The following S100Z variants were observed in gnomAD, a reference collection of about 807,000 sequenced individuals.
S100Z encodes the protein protein S100-Z.
Under a neutral mutation model 8.5 loss-of-function variants are expected in S100Z, and 11 were observed. The observed-to-expected ratio is 1.30, with a 90% confidence interval of 0.82 to 2.15. The LOEUF is 2.15. S100Z is among the 30% of genes most tolerant of loss of function. The pLI is 0.00. For synonymous variants in S100Z, 34 were observed against 43.8 expected (o/e 0.78, Z 0.89); for missense variants, 126 against 117.9 (o/e 1.07, Z -0.32).
At chr5:76,910,196 G>A (rs1744599095) in intron 4 of S100Z, among the ~76,000 whole-genome samples, 1 of 152,196 alleles carries the variant, frequency 6.6e-6, no homozygotes, top group Non-Finnish European at 1.5e-5. Flanking sequence ...GCAGCTATGG[G>A]AGGCCTTAAG....
intron 1 of S100Z, among the ~76,000 whole-genome samples, chr5:76,868,766 G>A (rs924914875): frequency 2.0e-5 from 3 of 152,132 alleles, no homozygotes; most frequent in Middle Eastern, 3.4e-3. Context: ...TGGGACTACA[G>A]GCGCATGCCA....
intron 1 of S100Z, among the ~76,000 whole-genome samples, chr5:76,863,763 C>A (rs1025157495): frequency 6.6e-6 from 1 of 152,130 alleles, no homozygotes; most frequent in African/African-American, 2.4e-5. Flanking sequence ...TGGTCTCGAT[C>A]TCCTGACCTT....
intron 4 of S100Z, among the ~76,000 whole-genome samples, chr5:76,911,168 T>C (rs1744643328): frequency 6.6e-6 from 1 of 152,172 alleles, no homozygotes; most frequent in Non-Finnish European, 1.5e-5. Flanking sequence ...TCAAAGGCAA[T>C]ATCCCTTAAG....
At chr5:76,926,479 G>T (rs935921976), downstream of S100Z, among the ~76,000 whole-genome samples, 1 of 152,132 alleles carries the variant, frequency 6.6e-6, no homozygotes, top group African/African-American at 2.4e-5. Context: ...GAAGTGGGTG[G>T]GGCTAAAACA....
At chr5:76,866,927 C>G (rs1742767458) in intron 1 of S100Z, among the ~76,000 whole-genome samples, 1 of 152,148 alleles carries the variant, frequency 6.6e-6, no homozygotes, top group South Asian at 2.1e-4. Context: ...GTTTCACTTA[C>G]CATTTTCCTG....
intron 2 of S100Z, among the ~76,000 whole-genome samples, chr5:76,873,103 C>G (rs970055210): frequency 6.6e-6 from 1 of 152,142 alleles, no homozygotes; most frequent in Non-Finnish European, 1.5e-5. Context: ...AATTGACCAG[C>G]ACAGGATCAC....
intron 4 of S100Z, among the ~76,000 whole-genome samples, chr5:76,896,686 C>A (rs1317720677): frequency 2.0e-5 from 3 of 152,186 alleles, no homozygotes; most frequent in African/African-American, 7.2e-5. Context: ...TTCTCCACAT[C>A]CTTGCCAGCA....
In S100Z at chr5:76,918,714, G is replaced by A. The variant is rs373150854; in HGVS notation, c.*3-2003G>A. 6.6e-5 allele frequency among the ~76,000 whole-genome samples: 10 copies of A among 152,246 alleles called. No individual in the cohort carries two copies. The East Asian group carries it at 9.7e-4, about 15-fold the overall frequency. On this transcript the variant is annotated intron_variant, in intron 4 of 4. Coordinates refer to ENST00000317593, the MANE Select transcript of S100Z (RefSeq NM_130772.4). ...ACATCATTATTACCCAGTGTCTGTAGTTTACACTAGGTTTCATTCTTAGTG... is the reference window on the plus strand; with the variant it reads ...ACATCATTATTACCCAGTGTCTGTAATTTACACTAGGTTTCATTCTTAGTG...
At chr5:76,929,971 C>T in the S100Z span, among the ~76,000 whole-genome samples, 1 of 152,220 alleles carries the variant, frequency 6.6e-6, no homozygotes, top group Non-Finnish European at 1.5e-5. Flanking sequence ...TGTAGACCTT[C>T]ATGTGAAGAG....
At chr5:76,871,809 G>C (rs948927210) in intron 2 of S100Z, among the ~76,000 whole-genome samples, 1 of 152,210 alleles carries the variant, frequency 6.6e-6, no homozygotes, top group Non-Finnish European at 1.5e-5. Flanking sequence ...TTACAGGCGT[G>C]AGCCACCGGG....
At chr5:76,873,601 A>G (rs1743083574) in intron 2 of S100Z, among the ~76,000 whole-genome samples, 1 of 152,104 alleles carries the variant, frequency 6.6e-6, no homozygotes, top group African/African-American at 2.4e-5. Flanking sequence ...CCCAGCCTGA[A>G]TATGTTTGAA....
At chr5:76,898,549 A>C in intron 4 of S100Z, among the ~76,000 whole-genome samples, 1 of 152,218 alleles carries the variant, frequency 6.6e-6, no homozygotes, top group African/African-American at 2.4e-5. Flanking sequence ...TTTCAGCATC[A>C]ACTGAAATGA....
intron 3 of S100Z, among the ~76,000 whole-genome samples, chr5:76,876,960 T>C (rs953989720): frequency 4.6e-5 from 7 of 152,156 alleles, no homozygotes; most frequent in African/African-American, 1.7e-4. Flanking sequence ...CTCTTTGCTT[T>C]CCACCCATAA....
the S100Z span, among the ~76,000 whole-genome samples, chr5:76,931,231 C>T: frequency 1.3e-5 from 2 of 152,036 alleles, no homozygotes; most frequent in Admixed American, 6.5e-5. Flanking sequence ...CTCAGCCTCC[C>T]GAGTAGCTGG....
intron 2 of S100Z, among the ~76,000 whole-genome samples, chr5:76,871,896 C>T (rs1017397606): frequency 2.0e-5 from 3 of 152,170 alleles, no homozygotes; most frequent in East Asian, 1.9e-4. Context: ...AACCAATGTA[C>T]ACCTTACATA....
the S100Z span, among the ~76,000 whole-genome samples, chr5:76,945,791 A>G: frequency 6.6e-6 from 1 of 152,202 alleles, no homozygotes; most frequent in African/African-American, 2.4e-5. Context: ...GGAAACCCAG[A>G]GACCGGTGCC....
chr5:76,935,423 A>C, the S100Z span, among the ~76,000 whole-genome samples: 2 of 152,216 alleles, frequency 1.3e-5, no homozygotes. Flanking sequence ...AGGTCTTCAC[A>C]GACAGGAATA....
rs1219959038 is a variant in S100Z, at chr5:76,905,579, A to AT, written c.*3-15132dup. 2.0e-5 allele frequency among the ~76,000 whole-genome samples: 3 copies of AT among 151,432 alleles called. No homozygotes were observed. In the East Asian group the frequency reaches 5.9e-4, roughly 30 times the overall value. On this transcript the variant is annotated intron_variant, in intron 4 of 4. Transcript: ENST00000317593. ...AGGCGCCTACCACCACGCCCGTCTA[A>AT]TTTTTTGTATTTTTAGTAGAGATGG...
intron 4 of S100Z, among the ~76,000 whole-genome samples, chr5:76,893,733 A>G (rs1743942899): frequency 6.6e-6 from 1 of 152,096 alleles, no homozygotes; most frequent in Admixed American, 6.6e-5. Context: ...GCACTAGGAG[A>G]AAGAGGTGTG....
Sources: gnomAD v4.1 joint callset for allele counts (sites outside exome capture counted in the v4.1 genomes callset) on GRCh38, gnomAD v4.1.1 for gene constraint, MANE v1.5 for transcripts, NCBI Gene and HGNC (gene_info 2026-07-23, HGNC 2026-07-21) for gene names.